CTNND2: variants seen among roughly 807,000 people sequenced by gnomAD.
The protein encoded by CTNND2 is catenin delta 2.
CTNND2 carries 22 observed loss-of-function variants against 144.4 expected under a neutral mutation model. The observed-to-expected ratio is 0.15, with a 90% confidence interval of 0.11 to 0.22. The LOEUF (loss-of-function observed/expected upper bound fraction) is 0.22. Among genes scored for constraint, CTNND2 ranks in the 10% least tolerant of loss-of-function variants. The pLI is 1.00. For synonymous variants in CTNND2, 751 were observed against 695.6 expected, an observed-to-expected ratio of 1.08 and a Z score of -1.25; for missense variants, 1,353 against 1,618.8, an observed-to-expected ratio of 0.84 and a Z score of 2.82.
chr5:11,761,700 G>A (rs1789272330), intron 1 of CTNND2, among the ~76,000 whole-genome samples: 1 of 152,084 alleles, frequency 6.6e-6, no homozygotes, highest in Admixed American at 6.5e-5. Flanking sequence ...GATGAAGCTT[G>A]TGTGAATACA....
intron 10 of CTNND2, among the ~76,000 whole-genome samples, chr5:11,205,880 T>A (rs988727503): frequency 6.6e-6 from 1 of 152,220 alleles, no homozygotes; most frequent in African/African-American, 2.4e-5. Flanking sequence ...CTGGAGGTGC[T>A]GCCTCAGACC....
At chr5:11,751,502 G>A (rs1321492874) in intron 1 of CTNND2, among the ~76,000 whole-genome samples, 1 of 151,758 alleles carries the variant, frequency 6.6e-6, no homozygotes, top group Non-Finnish European at 1.5e-5. Context: ...TTCTGTTCCT[G>A]CTTTAGTTCA....
At chr5:11,616,933 T>C (rs958588419) in intron 2 of CTNND2, among the ~76,000 whole-genome samples, 1 of 152,132 alleles carries the variant, frequency 6.6e-6, no homozygotes, top group Non-Finnish European at 1.5e-5. Context: ...TTTGCCAATC[T>C]CTTTGTTCAG....
intron 1 of CTNND2, among the ~76,000 whole-genome samples, chr5:11,834,955 A>G (rs938998225): frequency 5.9e-5 from 9 of 152,258 alleles, no homozygotes; most frequent in African/African-American, 2.2e-4. Flanking sequence ...CCTGGCCAAC[A>G]TGGCAAAATC....
intron 9 of CTNND2, among the ~76,000 whole-genome samples, chr5:11,337,190 T>C (rs892956011): frequency 3.3e-5 from 5 of 152,182 alleles, no homozygotes; most frequent in African/African-American, 1.2e-4. Flanking sequence ...AGCACACGGA[T>C]TTTAAATACA....
chr5:11,648,436 T>C (rs556726906), intron 2 of CTNND2, among the ~76,000 whole-genome samples: 16 of 152,302 alleles, frequency 1.1e-4, no homozygotes, highest in African/African-American at 3.8e-4. Context: ...AGTAAGCTAC[T>C]GACCTATCCA....
chr5:11,800,741 T>C (rs1445280988), intron 1 of CTNND2, among the ~76,000 whole-genome samples: 1 of 152,186 alleles, frequency 6.6e-6, no homozygotes, highest in Non-Finnish European at 1.5e-5. Flanking sequence ...AATAACAGCA[T>C]TGTCTCATCA....
At chr5:11,001,509 G>A (rs1176570860) in intron 18 of CTNND2, among the ~76,000 whole-genome samples, 2 of 151,274 alleles carry the variant, frequency 1.3e-5, no homozygotes, top group Non-Finnish European at 2.9e-5. Flanking sequence ...GCTAGCTGGA[G>A]TCAATGATTT....
rs139804505 is a variant in CTNND2, at chr5:11,208,526, C to T, written c.1762-8865G>A. Reference sequence around the variant, plus strand: ...ACTCCAGAAAAGATACACATGTTTACAAGACTTTAGGATTTCATCATGAAG... The same window carrying T: ...ACTCCAGAAAAGATACACATGTTTATAAGACTTTAGGATTTCATCATGAAG... On this transcript the variant is annotated intron_variant, in intron 10 of 21. Transcript: ENST00000304623. Among the ~76,000 whole-genome samples the T allele has an allele frequency of 5.5e-3, 832 of 152,200 alleles. 4 individuals are homozygous for T. Among genetic ancestry groups the T allele is most frequent in the African/African-American group, 0.016 (647 of 41,530 alleles).
chr5:11,890,422 A>G (rs1456632986), intron 1 of CTNND2, among the ~76,000 whole-genome samples: 17 of 152,322 alleles, frequency 1.1e-4, no homozygotes, highest in Admixed American at 6.5e-5. Flanking sequence ...TTACACCTGT[A>G]CATGGAAAGG....
chr5:11,603,434 C>T (rs992703151), intron 2 of CTNND2, among the ~76,000 whole-genome samples: 1 of 152,136 alleles, frequency 6.6e-6, no homozygotes, highest in African/African-American at 2.4e-5. Context: ...ACCGTCAGGA[C>T]CTCACGTGCT....
intron 2 of CTNND2, among the ~76,000 whole-genome samples, chr5:11,618,464 G>T (rs1044371337): frequency 1.3e-5 from 2 of 152,158 alleles, no homozygotes; most frequent in African/African-American, 2.4e-5. Flanking sequence ...ATCTTGCTTA[G>T]AACAAGCTGC....
chr5:11,478,278 G>A (rs574229078), intron 3 of CTNND2, among the ~76,000 whole-genome samples: 1 of 152,094 alleles, frequency 6.6e-6, no homozygotes, highest in Middle Eastern at 3.2e-3. Flanking sequence ...CTGTGCTTGG[G>A]GGACCTATAC....
At chr5:11,894,890 A>G (rs1737273209) in intron 1 of CTNND2, among the ~76,000 whole-genome samples, 1 of 152,146 alleles carries the variant, frequency 6.6e-6, no homozygotes, top group African/African-American at 2.4e-5. Context: ...TTTTGCCCCA[A>G]ATGATGAACT....
intron 2 of CTNND2, among the ~76,000 whole-genome samples, chr5:11,622,449 G>A (rs1400217234): frequency 1.3e-5 from 2 of 152,100 alleles, no homozygotes; most frequent in African/African-American, 4.8e-5. Context: ...TAAGTGTTTT[G>A]ACTATTTGCT....
chr5:10,998,585 A>G (rs866015421), intron 18 of CTNND2, among the ~76,000 whole-genome samples: 2 of 152,222 alleles, frequency 1.3e-5, no homozygotes, highest in South Asian at 2.1e-4. Flanking sequence ...GCTATGCTCA[A>G]CAATGCCCAG....
Position 11,384,926 on chromosome 5 carries a change from G to T in CTNND2, c.916C>A (p.Arg306Ser), listed in dbSNP as rs1484247001. The change falls in exon 7 of 22, where the codon CGC (arginine) becomes AGC (serine). Residue 306 changes from arginine (R) to serine (S), a missense_variant. Around this residue, in one of 4 missense-constraint regions of CTNND2, gnomAD observed 708 missense variants for 706.4 expected, o/e 1.00. Transcript: ENST00000304623. The surrounding 1 kb of genome is among the most constrained non-coding windows in gnomAD (Gnocchi z 5.2). ...CTGGTGCTGTAGGACTTGGCCAGGC[G>T]GCTGGGCGACTGCTTGGGCGAGGAG... ...RGSSPKQSPSRLAKSYSTSSP... is the reference protein window; with the variant it reads ...RGSSPKQSPSSLAKSYSTSSP... 1 of 1,601,736 alleles carries T rather than the reference G, an allele frequency of 6.2e-7. No homozygotes were observed. Among genetic ancestry groups the T allele is most frequent in the Non-Finnish European group, 8.5e-7 (1 of 1,175,890 alleles).
At chr5:11,486,809 T>C (rs777936231) in intron 3 of CTNND2, among the ~76,000 whole-genome samples, 2 of 152,220 alleles carry the variant, frequency 1.3e-5, no homozygotes, top group Non-Finnish European at 2.9e-5. Context: ...TTACCAAAGC[T>C]GTATATGAAA....
chr5:11,789,447 T>A (rs973981968), intron 1 of CTNND2, among the ~76,000 whole-genome samples: 1 of 152,196 alleles, frequency 6.6e-6, no homozygotes, highest in African/African-American at 2.4e-5. Context: ...AAGTTTTGCA[T>A]ATTTTTGTTA....
Sources: allele counts gnomAD v4.1 joint callset (sites outside exome capture counted in the v4.1 genomes callset), GRCh38; gene constraint gnomAD v4.1.1; regional missense constraint gnomAD v4.1.1; non-coding constraint Gnocchi (gnomAD v3.1); transcripts MANE v1.5; gene names NCBI Gene and HGNC (gene_info 2026-07-23, HGNC 2026-07-21).